Variants in FSTL5 observed in about 807,000 individuals in gnomAD.
FSTL5 encodes the protein follistatin-related protein 5.
A neutral mutation model predicts 89.1 loss-of-function variants in FSTL5; 62 were observed. The ratio of observed to expected loss-of-function variants is 0.70; its 90% CI spans 0.57 to 0.86. The LOEUF is 0.86. Among genes scored for constraint, FSTL5 ranks in the 40% least tolerant of loss-of-function variants. The pLI, the probability that FSTL5 is intolerant of heterozygous loss-of-function variation, is 0.00. For synonymous variants in FSTL5, 383 were observed against 346.2 expected, an observed-to-expected ratio of 1.11 and a Z score of -1.18; for missense variants, 1,057 against 1,001.6, an observed-to-expected ratio of 1.06 and a Z score of -0.75.
chr4:161,620,444 C>G (rs1242476229), intron 7 of FSTL5, among the ~76,000 whole-genome samples: 1 of 152,052 alleles, frequency 6.6e-6, no homozygotes, highest in Non-Finnish European at 1.5e-5. Flanking sequence ...CACCTGAGGT[C>G]GGCATTTTGA....
chr4:161,962,101 A>G (rs1324787747), intron 3 of FSTL5, among the ~76,000 whole-genome samples: 7 of 151,880 alleles, frequency 4.6e-5, no homozygotes, highest in Admixed American at 3.3e-4. Flanking sequence ...TTGACTCCCA[A>G]GCACTTGCAG....
chr4:162,052,363 T>C (rs1052421415), intron 2 of FSTL5, among the ~76,000 whole-genome samples: 1 of 151,800 alleles, frequency 6.6e-6, no homozygotes, highest in Admixed American at 6.6e-5. Context: ...TTGTAGATGA[T>C]TTCAGAAAAT....
chr4:161,946,377 C>A (rs1168697403), intron 3 of FSTL5, among the ~76,000 whole-genome samples: 1 of 152,136 alleles, frequency 6.6e-6, no homozygotes, highest in Non-Finnish European at 1.5e-5. Flanking sequence ...GTGAGCAAAT[C>A]CACATCATCT....
intron 4 of FSTL5, among the ~76,000 whole-genome samples, chr4:161,852,414 CCATCTCA>C (rs1731582679): frequency 6.6e-6 from 1 of 152,064 alleles, no homozygotes; most frequent in Non-Finnish European, 1.5e-5. Flanking sequence ...CATTGAGATA[CCATCTCA>C]CACCAGTCAG....
chr4:161,830,719 CAACA>C (rs1360545308), intron 4 of FSTL5, among the ~76,000 whole-genome samples: 11 of 151,910 alleles, frequency 7.2e-5, no homozygotes, highest in African/African-American at 2.7e-4. Context: ...TATTGCCTCT[CAACA>C]AACAGACATC....
Position 161,698,440 on chromosome 4 carries a change from G to A in FSTL5, c.728-41946C>T, listed in dbSNP as rs1221477763. Among the ~76,000 whole-genome samples, 10 of 152,170 alleles carry A rather than the reference G, an allele frequency of 6.6e-5. No individual in the cohort carries two copies. The East Asian group carries it at 1.3e-3, about 21-fold the overall frequency. ...AGATAGGAGGAATAAGTTCAAGAGA[G>A]CTACTACATAGACTTGTGACTATAG... On this transcript the variant is annotated intron_variant, in intron 6 of 15. Coordinates refer to ENST00000306100, the MANE Select transcript of FSTL5 (RefSeq NM_020116.5).
chr4:161,385,761 C>T lies in FSTL5; in HGVS notation c.2530G>A (p.Val844Ile). The T allele has an allele frequency of 6.3e-7, 1 of 1,598,570 alleles. No homozygotes were observed. Among genetic ancestry groups the T allele is most frequent in the South Asian group, 1.1e-5 (1 of 88,114 alleles). Residue 844 changes from valine (V) to isoleucine (I), a missense_variant, in exon 16 of 16, where the codon GTT (valine) becomes ATT (isoleucine). Val to Ile is a conservative substitution (Grantham distance 29). Transcript: ENST00000306100. The stretch of plus-strand genomic sequence containing the variant: ...TCGTAGGGTTTTTAGGCATCTCCAA[C>T]CCAAATGACTGTATTTCCTTTTTCA... ...EVEKGNTVIW[V>I]GDA is the part of the protein sequence containing the mutation.
intron 4 of FSTL5, among the ~76,000 whole-genome samples, chr4:161,853,330 C>T (rs899321688): frequency 1.3e-4 from 19 of 151,954 alleles, no homozygotes; most frequent in Admixed American, 4.6e-4. Context: ...TGCAGTGGCA[C>T]GATCTCGGCT....
chr4:162,144,025 A>C lies in FSTL5; in HGVS notation c.-17+19590T>G, dbSNP rs536916895. 3.9e-5 allele frequency among the ~76,000 whole-genome samples: 6 copies of C among 152,296 alleles called. No individual in the cohort carries two copies. The South Asian group carries it at 1.2e-3, about 32-fold the overall frequency. ...TCGCAGGGTGATGGCCCAAGTAAAG[A>C]GCTTCTATAATTATGTCTAAAACAA... On this transcript the variant is annotated intron_variant, in intron 1 of 15. Transcript: ENST00000306100.
intron 13 of FSTL5, among the ~76,000 whole-genome samples, chr4:161,463,221 C>T (rs1733639964): frequency 6.6e-6 from 1 of 151,914 alleles, no homozygotes; most frequent in Non-Finnish European, 1.5e-5. Context: ...CAACGATTTC[C>T]AAAAGTTTTG....
At position 162,072,215 on chromosome 4, in the gene FSTL5, G is replaced by A. The variant is rs114663118; in HGVS notation, c.127-38557C>T. ...TACAAAATAATACACAGTTAATAAG[G>A]AACATCTAATCAGAGTTCATAATTT... On this transcript the variant is annotated intron_variant, in intron 2 of 15. Coordinates refer to ENST00000306100, the MANE Select transcript of FSTL5 (RefSeq NM_020116.5). Among the ~76,000 whole-genome samples, 1,318 of 151,762 alleles carry A rather than the reference G, an allele frequency of 8.7e-3. 19 individuals carry two copies. The highest frequency in any genetic ancestry group is 0.017 in the Middle Eastern group (5 of 292).
chr4:162,066,376 TCTTCTTCTTCTTC>T (rs1738915502), intron 2 of FSTL5, among the ~76,000 whole-genome samples: 1 of 137,304 alleles, frequency 7.3e-6, no homozygotes, highest in Non-Finnish European at 1.6e-5. Flanking sequence ...TTCTTCTCCT[TCTTCTTCTTCTTC>T]ATTTTCCTTT....
At chr4:162,127,750 G>GA (rs1011728663) in intron 1 of FSTL5, among the ~76,000 whole-genome samples, 37 of 150,220 alleles carry the variant, frequency 2.5e-4, no homozygotes, top group East Asian at 3.9e-4. Context: ...AGACAGAAAA[G>GA]AAAAAAAAAT....
At chr4:161,608,264 C>T (rs537709768) in intron 7 of FSTL5, among the ~76,000 whole-genome samples, 1 of 152,200 alleles carries the variant, frequency 6.6e-6, no homozygotes, top group Non-Finnish European at 1.5e-5. Context: ...TAATTTTGCA[C>T]ATATTAAAAA....
intron 3 of FSTL5, among the ~76,000 whole-genome samples, chr4:161,935,788 A>G (rs954388024): frequency 5.3e-5 from 8 of 151,962 alleles, no homozygotes; most frequent in African/African-American, 1.2e-4. Context: ...TACGTTTCCA[A>G]TGGTAGGATG....
intron 4 of FSTL5, among the ~76,000 whole-genome samples, chr4:161,835,528 G>T (rs1479662162): frequency 6.6e-6 from 1 of 151,904 alleles, no homozygotes; most frequent in East Asian, 1.9e-4. Context: ...CCTACAACAT[G>T]GGAGAAAATT....
intron 6 of FSTL5, among the ~76,000 whole-genome samples, chr4:161,684,596 G>A (rs1490707952): frequency 6.6e-6 from 1 of 151,962 alleles, no homozygotes; most frequent in Non-Finnish European, 1.5e-5. Flanking sequence ...CATGTCCTTA[G>A]CCCACTTTTT....
chr4:161,864,611 C>A (rs1186068631), intron 4 of FSTL5, among the ~76,000 whole-genome samples: 1 of 151,960 alleles, frequency 6.6e-6, no homozygotes, highest in Non-Finnish European at 1.5e-5. Context: ...GTGGCTCATG[C>A]CTATAATCCC....
At chr4:161,893,003 G>A (rs1393686025) in intron 4 of FSTL5, among the ~76,000 whole-genome samples, 2 of 152,096 alleles carry the variant, frequency 1.3e-5, no homozygotes, top group Non-Finnish European at 1.5e-5. Context: ...ACAAGTGAGT[G>A]TTTTCCCACC....
Sources: gnomAD v4.1 joint callset for allele counts (sites outside exome capture counted in the v4.1 genomes callset) on GRCh38, gnomAD v4.1.1 for gene constraint, MANE v1.5 for transcripts, NCBI Gene and HGNC (gene_info 2026-07-23, HGNC 2026-07-21) for gene names.